ARB2A: variants seen among roughly 807,000 people sequenced by gnomAD.
The protein encoded by ARB2A is cotranscriptional regulator ARB2A.
chr5:93,908,857 T>C, the ARB2A span, among the ~76,000 whole-genome samples: 1 of 150,972 alleles, frequency 6.6e-6, no homozygotes, highest in Admixed American at 6.6e-5. Context: ...GAATTGTCCT[T>C]CTAAAAACCA....
chr5:94,076,595 C>A, the ARB2A span, among the ~76,000 whole-genome samples: 1 of 152,146 alleles, frequency 6.6e-6, no homozygotes, highest in Non-Finnish European at 1.5e-5. Context: ...TCAAAACAAA[C>A]AAATATCTGC....
chr5:93,717,228 T>C, the ARB2A span, among the ~76,000 whole-genome samples: 3 of 152,188 alleles, frequency 2.0e-5, no homozygotes, highest in African/African-American at 7.2e-5. Context: ...TTCTAGATTT[T>C]ACATCGTCTT....
chr5:93,984,398 T>C, the ARB2A span, among the ~76,000 whole-genome samples: 446 of 152,310 alleles, frequency 2.9e-3, 2 homozygotes, highest in African/African-American at 0.011. Context: ...GTAATAACAA[T>C]TTGCTTTCAT....
At chr5:93,835,159 T>C in the ARB2A span, among the ~76,000 whole-genome samples, 6 of 152,218 alleles carry the variant, frequency 3.9e-5, no homozygotes, top group Non-Finnish European at 7.3e-5. Flanking sequence ...AATCCTTAAA[T>C]GCCAAACAGA....
At chr5:93,683,188 ATCATCATCTTCATCATCATCCTCT>A in the ARB2A span, 1 of 1,310,254 alleles carries the variant, frequency 7.6e-7, no homozygotes, top group South Asian at 1.2e-5. Context: ...AATCATCATC[ATCATCATCTTCATCATCATCCTCT>A]TCATCATCAT....
At chr5:93,962,655 T>C in the ARB2A span, among the ~76,000 whole-genome samples, 1 of 152,030 alleles carries the variant, frequency 6.6e-6, no homozygotes. Context: ...AGAAAGCTAA[T>C]AGCTATTGAA....
At chr5:94,001,155 T>C in the ARB2A span, among the ~76,000 whole-genome samples, 4 of 152,228 alleles carry the variant, frequency 2.6e-5, no homozygotes, top group East Asian at 7.7e-4. Flanking sequence ...ATATACACTT[T>C]AGAATCAGTT....
the ARB2A span, among the ~76,000 whole-genome samples, chr5:93,638,025 T>C: frequency 2.6e-5 from 4 of 152,216 alleles, no homozygotes; most frequent in East Asian, 1.9e-4. Context: ...GATTTAGAAT[T>C]CTAAATATAT....
At chr5:93,708,778 A>G in the ARB2A span, among the ~76,000 whole-genome samples, 1 of 152,134 alleles carries the variant, frequency 6.6e-6, no homozygotes, top group Non-Finnish European at 1.5e-5. Context: ...CCTGTCTTCC[A>G]TAAACACACC....
chr5:93,804,709 G>T, the ARB2A span: 1 of 212,270 alleles, frequency 4.7e-6, no homozygotes, highest in African/African-American at 2.3e-5. Context: ...GTAAGAGACA[G>T]CTAGTAGATT....
At chr5:94,103,012 A>G in the ARB2A span, among the ~76,000 whole-genome samples, 1 of 152,138 alleles carries the variant, frequency 6.6e-6, no homozygotes, top group African/African-American at 2.4e-5. Flanking sequence ...AGAGGTCCTT[A>G]CGGAAGCACT....
the ARB2A span, among the ~76,000 whole-genome samples, chr5:93,798,607 G>A: frequency 6.6e-6 from 1 of 152,016 alleles, no homozygotes; most frequent in African/African-American, 2.4e-5. Context: ...TCACATAGAA[G>A]AAAAGAATGA....
At chr5:93,658,279 T>A in the ARB2A span, among the ~76,000 whole-genome samples, 1 of 152,138 alleles carries the variant, frequency 6.6e-6, no homozygotes, top group African/African-American at 2.4e-5. Context: ...TAAGGTACAT[T>A]TAAATGGTCA....
At chr5:93,618,485 TCAGAACAAAAATATTGTTA>T in the ARB2A span, 1 of 152,268 alleles carries the variant, frequency 6.6e-6, no homozygotes, top group Non-Finnish European at 1.5e-5. Context: ...GGGAAGAAGA[TCAGAACAAAAATATTGTTA>T]ACACTGGCCG....
At chr5:93,945,068 C>A in the ARB2A span, among the ~76,000 whole-genome samples, 1 of 152,192 alleles carries the variant, frequency 6.6e-6, no homozygotes, top group Non-Finnish European at 1.5e-5. Context: ...AAAAAACAGA[C>A]ACCAGAAAAC....
chr5:94,060,255 G>C, the ARB2A span, among the ~76,000 whole-genome samples: 8 of 152,094 alleles, frequency 5.3e-5, no homozygotes, highest in Non-Finnish European at 1.2e-4. Context: ...AGGAGGCTTA[G>C]GCAGGAGAAT....
chr5:93,904,422 A>G, the ARB2A span, among the ~76,000 whole-genome samples: 4 of 152,034 alleles, frequency 2.6e-5, no homozygotes, highest in African/African-American at 9.6e-5. Context: ...TCTGTGTAAC[A>G]TCTTAGAGTT....
chr5:94,003,504 C>T, the ARB2A span, among the ~76,000 whole-genome samples: 1 of 151,992 alleles, frequency 6.6e-6, no homozygotes, highest in Non-Finnish European at 1.5e-5. Context: ...AAATTGAGTA[C>T]AGCAAGAAAT....
chr5:93,685,438 C>A, the ARB2A span, among the ~76,000 whole-genome samples: 1 of 152,040 alleles, frequency 6.6e-6, no homozygotes, highest in South Asian at 2.1e-4. Context: ...ATTCTTTGTA[C>A]AATTATTTTC....
Sources: gnomAD v4.1 joint callset for allele counts (sites outside exome capture counted in the v4.1 genomes callset) on GRCh38, gnomAD v4.1.1 for gene constraint, MANE v1.5 for transcripts, NCBI Gene and HGNC (gene_info 2026-07-23, HGNC 2026-07-21) for gene names.